The following EPC2 variants were observed in gnomAD, a reference collection of about 807,000 sequenced individuals.
EPC2 encodes the protein enhancer of polycomb homolog 2.
A neutral mutation model predicts 92.1 loss-of-function variants in EPC2; 14 were observed. That is an observed-to-expected ratio of 0.15 (90% CI 0.10 to 0.24). The LOEUF (loss-of-function observed/expected upper bound fraction) is 0.24. Ranked by LOEUF, EPC2 falls within the 10% of genes least tolerant of loss-of-function variation. The probability of loss-of-function intolerance (pLI) is 1.00; values close to 1 mark genes in which losing one functional copy is unlikely to be tolerated. For missense variants in EPC2, 755 were observed against 971.5 expected, an observed-to-expected ratio of 0.78 and a Z score of 2.96; for synonymous variants, 340 against 334.7, an observed-to-expected ratio of 1.02 and a Z score of -0.17.
At position 148,774,624 on chromosome 2, in the gene EPC2, T is replaced by TATTATATATATATATA. The variant is rs935978031; in HGVS notation, c.1720+3237_1720+3238insATTATATATATATATA. On this transcript the variant is annotated intron_variant, in intron 10 of 13. Transcript: ENST00000258484. ...CCTGACTCAAAAAAAAAAATATATT[T>TATTATATATATATATA]TATATATATATATATATGCATGTAC... Among the ~76,000 whole-genome samples the TATTATATATATATATA allele has an allele frequency of 3.7e-4, 49 of 132,608 alleles. 3 individuals are homozygous for TATTATATATATATATA. The South Asian group carries it at 9.0e-3, about 24-fold the overall frequency. The allele number at this position is 132,608 out of a possible 152,430, so 87.0% of individuals were successfully genotyped here. A position where few individuals can be genotyped will look rare whatever the true frequency, so the allele number is the denominator to read the frequency against.
chr2:148,709,513 C>T (rs1383062609), intron 2 of EPC2, among the ~76,000 whole-genome samples: 1 of 152,030 alleles, frequency 6.6e-6, no homozygotes, highest in Non-Finnish European at 1.5e-5. Context: ...TCATATGGAA[C>T]CAAAAAAAGA....
chr2:148,676,576 A>G (rs1681266746), intron 1 of EPC2, among the ~76,000 whole-genome samples: 1 of 152,142 alleles, frequency 6.6e-6, no homozygotes, highest in Admixed American at 6.5e-5. Flanking sequence ...CTATTCATCT[A>G]GGCTCCTTTC....
At chr2:148,722,444 T>TA (rs1271492110) in intron 2 of EPC2, among the ~76,000 whole-genome samples, 2 of 152,088 alleles carry the variant, frequency 1.3e-5, no homozygotes, top group Admixed American at 6.6e-5. Flanking sequence ...CACTAATCAT[T>TA]AGAGAAATGG....
chr2:148,692,243 TCTAC>T (rs1681661337), intron 2 of EPC2: 1 of 169,798 alleles, frequency 5.9e-6, no homozygotes, highest in Middle Eastern at 2.9e-3. Flanking sequence ...CTTTTCTCAC[TCTAC>T]CTGTCTTCTT....
chr2:148,733,067 C>G (rs1476042636), intron 2 of EPC2, among the ~76,000 whole-genome samples: 2 of 119,118 alleles, frequency 1.7e-5, no homozygotes, highest in African/African-American at 5.2e-5. Flanking sequence ...GCTAGTCAAT[C>G]CTTAAGGAAG....
chr2:148,653,276 CA>C (rs1680721159), intron 1 of EPC2, among the ~76,000 whole-genome samples: 1 of 152,164 alleles, frequency 6.6e-6, no homozygotes, highest in Non-Finnish European at 1.5e-5. Context: ...TCTGCATCTT[CA>C]TTTAGTTTTA....
At chr2:148,674,008 T>A (rs1681206730) in intron 1 of EPC2, among the ~76,000 whole-genome samples, 1 of 152,222 alleles carries the variant, frequency 6.6e-6, no homozygotes. Context: ...CTTGATTTAG[T>A]TTCTTGCTTT....
At position 148,646,132 on chromosome 2, in the gene EPC2, A is replaced by G. The variant is rs553748673; in HGVS notation, c.153+962A>G. On this transcript the variant is annotated intron_variant, in intron 1 of 13. Transcript: ENST00000258484. ...CGAAGTTCATAGTAACTGCACCCTC[A>G]AGAATTTCTTCAATGAACCTACAGT... Among the ~76,000 whole-genome samples, 4 of 152,300 alleles carry G rather than the reference A, an allele frequency of 2.6e-5. No individual in the cohort carries two copies. The South Asian group carries it at 8.3e-4, about 32-fold the overall frequency.
chr2:148,719,674 G>C (rs1279516350), intron 2 of EPC2, among the ~76,000 whole-genome samples: 1 of 152,184 alleles, frequency 6.6e-6, no homozygotes, highest in East Asian at 1.9e-4. Context: ...GGTGGTTGGA[G>C]ACCCCAGTTG....
At chr2:148,684,425 G>A (rs1227257311) in intron 1 of EPC2, among the ~76,000 whole-genome samples, 2 of 152,150 alleles carry the variant, frequency 1.3e-5, no homozygotes, top group East Asian at 3.8e-4. Context: ...CGTTGCCTAA[G>A]CCAATGTGTA....
Position 148,771,199 on chromosome 2 carries a change from T to C in EPC2, c.1532T>C (p.Leu511Pro), listed in dbSNP as rs1683510972. The C allele has an allele frequency of 6.2e-7, 1 of 1,614,018 alleles. No homozygotes were observed. Among genetic ancestry groups the C allele is most frequent in the Non-Finnish European group, 8.5e-7 (1 of 1,179,878 alleles). ...TCCAGTAAACATTGTGAAAATAGAC[T>C]GTCTCTTTCTGAAATATTAAGCAAT... ...NASSKHCENR[L>P]SLSEILSNIR... is the part of the protein sequence containing the mutation. Residue 511 changes from leucine to proline, a missense_variant, in exon 10 of 14, where the codon CTG becomes CCG. Leu to Pro is a moderately conservative substitution (Grantham distance 98). Around this residue, in one of 4 missense-constraint regions of EPC2, gnomAD observed 509 missense variants for 607.7 expected, o/e 0.84. Coordinates refer to ENST00000258484, the MANE Select transcript of EPC2 (RefSeq NM_015630.4).
chr2:148,749,098 C>T (rs987467689), intron 3 of EPC2, among the ~76,000 whole-genome samples: 4 of 152,106 alleles, frequency 2.6e-5, no homozygotes, highest in Non-Finnish European at 5.9e-5. Context: ...GTTACTTCTG[C>T]CTGTAATGCC....
chr2:148,782,154 G>A (rs1395856848), intron 11 of EPC2, among the ~76,000 whole-genome samples: 1 of 152,168 alleles, frequency 6.6e-6, no homozygotes, highest in Non-Finnish European at 1.5e-5. Context: ...GCATGTGGAT[G>A]TGCTCCATGA....
intron 4 of EPC2, among the ~76,000 whole-genome samples, chr2:148,757,265 G>C (rs186621545): frequency 6.6e-6 from 1 of 151,992 alleles, no homozygotes; most frequent in African/African-American, 2.4e-5. Context: ...ACTCCCAGCT[G>C]CTCGGGAGGC....
chr2:148,758,063 G>C (rs1574626034), intron 4 of EPC2, among the ~76,000 whole-genome samples: 1 of 147,280 alleles, frequency 6.8e-6, no homozygotes, highest in Non-Finnish European at 1.5e-5. Context: ...CTTGAAAGGG[G>C]ACTCCACTGA....
intron 1 of EPC2, among the ~76,000 whole-genome samples, chr2:148,650,261 T>A (rs1671319416): frequency 6.6e-6 from 1 of 152,146 alleles, no homozygotes; most frequent in Admixed American, 6.5e-5. Context: ...TATTTGTGTC[T>A]TTTCTCCCCC....
chr2:148,744,989 G>GCCA lies in EPC2; in HGVS notation c.459+1224_459+1225insACC, dbSNP rs770406917. 1.1e-4 allele frequency among the ~76,000 whole-genome samples: 5 copies of GCCA among 46,296 alleles called. 1 individual carries two copies. The highest frequency in any genetic ancestry group is 9.9e-5 in the Non-Finnish European group (2 of 20,268). The allele number at this position is 46,296 out of a possible 152,430, so 30.4% of individuals were successfully genotyped here. A position where few individuals can be genotyped will look rare whatever the true frequency, so the allele number is the denominator to read the frequency against. On this transcript the variant is annotated intron_variant, in intron 3 of 13. Coordinates refer to ENST00000258484, the MANE Select transcript of EPC2 (RefSeq NM_015630.4). Reference sequence around the variant, plus strand: ...TGCTGCATATTTAGCCTATCAGTTTGCCCCCCCCCCCCGCACCATTTTGAT... The same window carrying GCCA: ...TGCTGCATATTTAGCCTATCAGTTTGCCACCCCCCCCCCCCGCACCATTTTGAT...
At chr2:148,682,215 A>G (rs1192801495) in intron 1 of EPC2, among the ~76,000 whole-genome samples, 1 of 152,238 alleles carries the variant, frequency 6.6e-6, no homozygotes, top group Non-Finnish European at 1.5e-5. Context: ...AGCATGATTT[A>G]TAATCCTTTG....
intron 1 of EPC2, among the ~76,000 whole-genome samples, chr2:148,660,881 A>G (rs369827813): frequency 6.6e-6 from 1 of 151,164 alleles, no homozygotes; most frequent in East Asian, 1.9e-4. Context: ...TTCCTTCAGA[A>G]TTTTTTTTGT....
Sources: allele counts gnomAD v4.1 joint callset (sites outside exome capture counted in the v4.1 genomes callset), GRCh38; gene constraint gnomAD v4.1.1; regional missense constraint gnomAD v4.1.1; transcripts MANE v1.5; gene names NCBI Gene and HGNC (gene_info 2026-07-23, HGNC 2026-07-21).